Variants in HTR2C observed in about 807,000 individuals in gnomAD.
The protein encoded by HTR2C is 5-hydroxytryptamine receptor 2C.
A neutral mutation model predicts 21.0 loss-of-function variants in HTR2C; 5 were observed. The ratio of observed to expected loss-of-function variants is 0.24; its 90% confidence interval spans 0.12 to 0.50. HTR2C has a LOEUF of 0.50. Ranked by LOEUF, HTR2C falls within the 20% of genes least tolerant of loss-of-function variation. HTR2C has a pLI of 0.98. For missense variants in HTR2C, 271 were observed against 371.2 expected (o/e 0.73, Z 2.22); for synonymous variants, 150 against 145.3 (o/e 1.03, Z -0.23).
At chrX:114,836,486 C>G (rs1436623517) in intron 4 of HTR2C, among the ~76,000 whole-genome samples, 1 of 112,145 alleles carries the variant, frequency 8.9e-6, no homozygotes, top group Non-Finnish European at 1.9e-5. Flanking sequence ...TGTCTGTCAC[C>G]CCTTTCTTTG....
At chrX:114,673,125 T>C (rs782409887) in intron 2 of HTR2C, among the ~76,000 whole-genome samples, 1 of 112,230 alleles carries the variant, frequency 8.9e-6, no homozygotes, top group East Asian at 2.8e-4. Context: ...ACTCTTAAGA[T>C]TGTCAAACAA....
At chrX:114,761,245 G>A (rs995821020) in intron 4 of HTR2C, among the ~76,000 whole-genome samples, 1 of 111,377 alleles carries the variant, frequency 9.0e-6, no homozygotes, top group Non-Finnish European at 1.9e-5. Context: ...AAATGTATTA[G>A]GCTTGGTTTT....
chrX:114,743,528 A>G (rs1556425635), intron 4 of HTR2C, among the ~76,000 whole-genome samples: 1 of 112,080 alleles, frequency 8.9e-6, no homozygotes, highest in African/African-American at 3.2e-5. Context: ...GACAGAGGAA[A>G]GAGTCAATTT....
rs145292733 is a variant in HTR2C at position 114,693,119 on chromosome X, C to A, written c.-79-33739C>A. On this transcript the variant is annotated intron_variant, in intron 2 of 5. Transcript: ENST00000276198. ...CCTCAAGTAACTGTTTAATATCAAG[C>A]ATATAAATATTTCAATATATATGTC... Among the ~76,000 whole-genome samples, 110 of 111,197 alleles carry A rather than the reference C, an allele frequency of 9.9e-4. 1 individual carries two copies. In the East Asian group the frequency reaches 0.029, roughly 29 times the overall value.
intron 2 of HTR2C, among the ~76,000 whole-genome samples, chrX:114,653,005 C>T (rs782262737): frequency 1.9e-5 from 2 of 106,824 alleles, no homozygotes; most frequent in African/African-American, 6.8e-5. Context: ...ATAAGACAGT[C>T]AATAAACTAA....
chrX:114,631,003 T>C, intron 2 of HTR2C: 1 of 242,239 alleles, frequency 4.1e-6, no homozygotes, highest in Admixed American at 3.7e-5. Flanking sequence ...CTGCTATTAC[T>C]AGAAAAGCGT....
chrX:114,675,868 C>T (rs868971669), intron 2 of HTR2C, among the ~76,000 whole-genome samples: 2 of 94,286 alleles, frequency 2.1e-5, no homozygotes, highest in Admixed American at 1.2e-4. Context: ...TTTCTTTTTT[C>T]TTTTTTCTTT....
At chrX:114,666,462 T>C (rs1556410900) in intron 2 of HTR2C, among the ~76,000 whole-genome samples, 1 of 112,013 alleles carries the variant, frequency 8.9e-6, no homozygotes, top group Non-Finnish European at 1.9e-5. Context: ...AATTATCTTA[T>C]TTTTCTTTAT....
chrX:114,830,340 C>T (rs2070710760), intron 4 of HTR2C, among the ~76,000 whole-genome samples: 1 of 111,278 alleles, frequency 9.0e-6, no homozygotes, highest in South Asian at 3.7e-4. Flanking sequence ...AGATTTCGGG[C>T]CGTACTAAAA....
intron 4 of HTR2C, among the ~76,000 whole-genome samples, chrX:114,801,348 T>C: frequency 9.0e-6 from 1 of 111,391 alleles, no homozygotes; most frequent in East Asian, 2.8e-4. Flanking sequence ...CATCATTCAT[T>C]AGTTGCTATA....
intron 3 of HTR2C, among the ~76,000 whole-genome samples, chrX:114,728,951 T>C (rs1481709049): frequency 3.6e-5 from 4 of 112,244 alleles, no homozygotes; most frequent in African/African-American, 9.7e-5. Flanking sequence ...GATAAATGTA[T>C]TTGTCATTCT....
intron 2 of HTR2C, among the ~76,000 whole-genome samples, chrX:114,708,713 G>A (rs1412261007): frequency 7.2e-5 from 8 of 110,850 alleles, no homozygotes; most frequent in African/African-American, 2.6e-4. Flanking sequence ...AGGCTGAGGC[G>A]GGAGAATTGC....
intron 2 of HTR2C, among the ~76,000 whole-genome samples, chrX:114,713,318 C>G (rs2147323121): frequency 9.0e-6 from 1 of 111,575 alleles, no homozygotes; most frequent in African/African-American, 3.2e-5. Flanking sequence ...TTACCACCCC[C>G]CAAAATTTTA....
intron 2 of HTR2C, among the ~76,000 whole-genome samples, chrX:114,714,724 A>G (rs983476693): frequency 8.9e-6 from 1 of 111,825 alleles, no homozygotes; most frequent in African/African-American, 3.2e-5. Context: ...AGAAAACCCA[A>G]TTCACAGCAT....
chrX:114,776,848 A>G (rs782228321), intron 4 of HTR2C: 4 of 184,445 alleles, frequency 2.2e-5, no homozygotes, highest in Non-Finnish European at 9.9e-6. Flanking sequence ...GGGCGCATTC[A>G]ATGAGCTATA....
chrX:114,586,968 A>G (rs1345975417), intron 1 of HTR2C, among the ~76,000 whole-genome samples: 3 of 111,361 alleles, frequency 2.7e-5, no homozygotes, highest in Non-Finnish European at 5.7e-5. Flanking sequence ...TGTGCTTCCA[A>G]GTCTACTTGG....
At chrX:114,801,269 C>CA (rs2070343446) in intron 4 of HTR2C, among the ~76,000 whole-genome samples, 1 of 111,367 alleles carries the variant, frequency 9.0e-6, no homozygotes, top group Non-Finnish European at 1.9e-5. Flanking sequence ...AAGGTTCATC[C>CA]ATCATCAGTG....
intron 2 of HTR2C, among the ~76,000 whole-genome samples, chrX:114,626,126 C>T (rs986355681): frequency 2.7e-5 from 3 of 109,731 alleles, no homozygotes; most frequent in Admixed American, 9.8e-5. Context: ...TTGATATTTA[C>T]GGTAGCTCTT....
intron 4 of HTR2C, among the ~76,000 whole-genome samples, chrX:114,789,612 A>G (rs2070211468): frequency 1.8e-5 from 2 of 111,780 alleles, no homozygotes; most frequent in Admixed American, 1.9e-4. Flanking sequence ...GAAAATTAAA[A>G]AAAAAGGGCT....
Sources: allele counts gnomAD v4.1 joint callset (sites outside exome capture counted in the v4.1 genomes callset), GRCh38; gene constraint gnomAD v4.1.1; transcripts MANE v1.5; gene names NCBI Gene and HGNC (gene_info 2026-07-23, HGNC 2026-07-21).